DGKG: variants seen among roughly 807,000 people sequenced by gnomAD.
DGKG encodes diacylglycerol kinase gamma.
Under a neutral mutation model 105.3 loss-of-function variants are expected in DGKG, and 78 were observed. That is an observed-to-expected ratio of 0.74 (90% CI 0.62 to 0.89). The LOEUF (loss-of-function observed/expected upper bound fraction) is 0.89. Among genes scored for constraint, DGKG ranks in the 40% least tolerant of loss-of-function variants. The pLI, the probability that DGKG is intolerant of heterozygous loss-of-function variation, is 0.00. For synonymous variants in DGKG, 346 were observed against 367.1 expected (o/e 0.94, Z 0.66); for missense variants, 958 against 1,020.1 (o/e 0.94, Z 0.83).
chr3:186,257,392 G>A (rs1037462164), intron 17 of DGKG, among the ~76,000 whole-genome samples: 2 of 152,238 alleles, frequency 1.3e-5, no homozygotes, highest in African/African-American at 4.8e-5. Context: ...GCTCAGTGTG[G>A]TCCTTCTTTG....
At chr3:186,331,079 C>G (rs1725579633) in intron 1 of DGKG, among the ~76,000 whole-genome samples, 2 of 152,192 alleles carry the variant, frequency 1.3e-5, no homozygotes, top group African/African-American at 4.8e-5. Flanking sequence ...ACCTTCGATG[C>G]AAATATGTAT....
chr3:186,200,638 C>G (rs1204583307), intron 21 of DGKG, among the ~76,000 whole-genome samples: 1 of 152,170 alleles, frequency 6.6e-6, no homozygotes, highest in Non-Finnish European at 1.5e-5. Context: ...GTGCGCTGTG[C>G]TGAAAGAGTG....
intron 20 of DGKG, among the ~76,000 whole-genome samples, chr3:186,224,726 AC>A (rs1050332553): frequency 2.7e-4 from 35 of 130,070 alleles, no homozygotes; most frequent in East Asian, 1.8e-3. Context: ...AATGATTGAC[AC>A]CCCCCCGCCC....
intron 1 of DGKG, among the ~76,000 whole-genome samples, chr3:186,322,550 A>C (rs541793444): frequency 3.4e-4 from 51 of 152,228 alleles, no homozygotes; most frequent in African/African-American, 1.1e-3. Flanking sequence ...CATATAACAA[A>C]CCTGCACAAG....
At chr3:186,218,338 A>G (rs1349407426) in intron 20 of DGKG, among the ~76,000 whole-genome samples, 1 of 151,922 alleles carries the variant, frequency 6.6e-6, no homozygotes, top group East Asian at 1.9e-4. Context: ...CCCTGTCTCT[A>G]CTAAAAATAC....
At chr3:186,238,165 T>C (rs1720504196) in intron 20 of DGKG, among the ~76,000 whole-genome samples, 1 of 151,730 alleles carries the variant, frequency 6.6e-6, no homozygotes, top group Admixed American at 6.6e-5. Flanking sequence ...GGCGTGGTGG[T>C]GTGTGCCTTT....
chr3:186,357,195 C>A (rs866894868), intron 1 of DGKG, among the ~76,000 whole-genome samples: 39 of 152,292 alleles, frequency 2.6e-4, no homozygotes, highest in Middle Eastern at 6.8e-3. Context: ...GGGTTCCTTT[C>A]TCCCTCCTTC....
intron 20 of DGKG, among the ~76,000 whole-genome samples, chr3:186,217,894 T>C (rs1237644421): frequency 1.3e-5 from 2 of 152,264 alleles, no homozygotes; most frequent in African/African-American, 4.8e-5. Flanking sequence ...CAGTTATTTC[T>C]AGAAATAGAA....
chr3:186,149,505 C>T lies in DGKG; in HGVS notation c.*585G>A, dbSNP rs1290162947. 2.0e-6 allele frequency: 2 copies of T among 985,342 alleles called. No individual in the cohort carries two copies. The highest frequency in any genetic ancestry group is 1.1e-4 in the East Asian group (1 of 8,834). 61.0% of individuals were successfully genotyped at this position (985,342 alleles called of 1,614,324 possible). ...ATACAGCTTTCCACAGCCTTTCTGC[C>T]TCTTCAGCAGGTTCACGGAGAAGTT... is the stretch of plus-strand genomic sequence containing the variant. On this transcript the variant is annotated 3_prime_UTR_variant, in exon 25 of 25. Transcript: ENST00000265022.
At chr3:186,196,274 A>G (rs1305624632) in intron 21 of DGKG, among the ~76,000 whole-genome samples, 3 of 151,818 alleles carry the variant, frequency 2.0e-5, no homozygotes, top group African/African-American at 7.3e-5. Context: ...AGTAGCTGGG[A>G]CTACAGGTGC....
chr3:186,202,225 G>C (rs1226237125), intron 21 of DGKG, among the ~76,000 whole-genome samples: 2 of 152,244 alleles, frequency 1.3e-5, no homozygotes, highest in Admixed American at 1.3e-4. Context: ...ATGGGCTTGA[G>C]ATATAACACG....
At chr3:186,202,022 A>T (rs1027397136) in intron 21 of DGKG, among the ~76,000 whole-genome samples, 9 of 152,304 alleles carry the variant, frequency 5.9e-5, no homozygotes, top group Middle Eastern at 3.4e-3. Flanking sequence ...TGGGCTGGGG[A>T]TCACAGATTG....
intron 22 of DGKG, among the ~76,000 whole-genome samples, chr3:186,185,902 G>A (rs1717605336): frequency 6.6e-6 from 1 of 151,786 alleles, no homozygotes; most frequent in Non-Finnish European, 1.5e-5. Flanking sequence ...TTTGAGACCA[G>A]CCTGGTCAAC....
rs1288156832 is a variant in DGKG, at chr3:186,266,154, A to G, written c.1210-848T>C. Reference sequence around the variant, plus strand: ...ATGGCCTCGTAACTACTACCTCTTCAAGCATAACCCTGTTGTGACTCCTGA... The same window carrying G: ...ATGGCCTCGTAACTACTACCTCTTCGAGCATAACCCTGTTGTGACTCCTGA... On this transcript the variant is annotated intron_variant, in intron 13 of 24. Transcript: ENST00000265022. 2.5e-4 allele frequency among the ~76,000 whole-genome samples: 38 copies of G among 152,142 alleles called. 1 individual carries two copies. The highest frequency in any genetic ancestry group is 2.5e-3 in the Admixed American group (38 of 15,282).
intron 10 of DGKG, among the ~76,000 whole-genome samples, chr3:186,274,249 G>A (rs1176093914): frequency 6.6e-6 from 1 of 152,166 alleles, no homozygotes; most frequent in Non-Finnish European, 1.5e-5. Context: ...GTGCAGTGGT[G>A]CAATCTCAGC....
chr3:186,211,937 T>G, intron 20 of DGKG, 52 bp from the exon 21 acceptor site: 1 of 1,428,472 alleles, frequency 7.0e-7, no homozygotes, highest in Non-Finnish European at 9.9e-7. Context: ...GAAATGCTCA[T>G]GTAAAATAGC....
intron 6 of DGKG, among the ~76,000 whole-genome samples, chr3:186,287,670 A>G (rs1723132851): frequency 6.6e-6 from 1 of 152,256 alleles, no homozygotes; most frequent in Admixed American, 6.5e-5. Context: ...TAGCTAGAAG[A>G]AAACAGAAAT....
intron 24 of DGKG, among the ~76,000 whole-genome samples, chr3:186,156,801 G>C (rs1015025716): frequency 2.6e-5 from 4 of 151,380 alleles, no homozygotes; most frequent in African/African-American, 7.3e-5. Flanking sequence ...GATTATTGCT[G>C]GTATACTATT....
rs764464064 is a variant in DGKG, at chr3:186,268,781, C to T, written c.1116+20G>A. On this transcript the variant is annotated intron_variant, in intron 12 of 24. Coordinates refer to ENST00000265022, the MANE Select transcript of DGKG (RefSeq NM_001346.3). ...AAAAAACGTTGAAAAGAAGCAGGGC[C>T]GCCCTGGGCGCCAACCCACCGTCAT... The T allele has an allele frequency of 3.8e-5, 59 of 1,567,562 alleles. No homozygotes were observed. Among genetic ancestry groups the T allele is most frequent in the Middle Eastern group, 1.7e-4 (1 of 5,966 alleles).
Sources: gnomAD v4.1 joint callset for allele counts (sites outside exome capture counted in the v4.1 genomes callset) on GRCh38, gnomAD v4.1.1 for gene constraint, MANE v1.5 for transcripts, NCBI Gene and HGNC (gene_info 2026-07-23, HGNC 2026-07-21) for gene names.